Variants in SOX5 observed in about 807,000 individuals in gnomAD.
The protein encoded by SOX5 is transcription factor SOX-5.
SOX5 carries 9 observed loss-of-function variants against 92.0 expected under a neutral mutation model. The observed-to-expected ratio is 0.10, with a 90% confidence interval of 0.06 to 0.17. The LOEUF (loss-of-function observed/expected upper bound fraction) is 0.17. SOX5 is among the 10% of genes least tolerant of loss of function. The pLI, the probability that SOX5 is intolerant of heterozygous loss-of-function variation, is 1.00. For missense variants in SOX5, 642 were observed against 944.5 expected, an observed-to-expected ratio of 0.68 and a Z score of 4.20; for synonymous variants, 344 against 336.3, an observed-to-expected ratio of 1.02 and a Z score of -0.25.
rs564250877 is a variant in SOX5, at chr12:24,393,976, G to C, written c.-250-25337C>G. Among the ~76,000 whole-genome samples, 5 of 152,250 alleles carry C rather than the reference G, an allele frequency of 3.3e-5. No individual in the cohort carries two copies. The South Asian group carries it at 1.0e-3, about 32-fold the overall frequency. The stretch of plus-strand genomic sequence containing the variant: ...CGTGGGGAAAAATAAAACCGTGAGT[G>C]GCTGAAGAACACACAATAGCATTCA... On this transcript the variant is annotated intron_variant, in intron 1 of 4. Coordinates refer to the SOX5 transcript ENST00000446891. This position sits in a 1 kb window ranked among gnomAD's most constrained non-coding sequence, Gnocchi z 5.0.
At chr12:23,618,208 T>G (rs1276578925) in intron 8 of SOX5, among the ~76,000 whole-genome samples, 1 of 152,184 alleles carries the variant, frequency 6.6e-6, no homozygotes, top group African/African-American at 2.4e-5. Context: ...AAAATATTGC[T>G]GAAATTCCCT....
chr12:23,725,136 G>T (rs2140679820), intron 6 of SOX5, among the ~76,000 whole-genome samples: 1 of 152,242 alleles, frequency 6.6e-6, no homozygotes, highest in South Asian at 2.1e-4. Context: ...AGGAGAAACT[G>T]GGAAAGAATG....
chr12:23,863,086 C>A (rs905995354), intron 2 of SOX5, among the ~76,000 whole-genome samples: 2 of 152,188 alleles, frequency 1.3e-5, no homozygotes, highest in African/African-American at 4.8e-5. Flanking sequence ...AACACTTTCA[C>A]TTGGGGGTCA....
chr12:24,445,658 A>C (rs1379473546), intron 1 of SOX5, among the ~76,000 whole-genome samples: 5 of 152,226 alleles, frequency 3.3e-5, no homozygotes, highest in Admixed American at 6.5e-5. Context: ...GAAATGTGTA[A>C]CAGTCATATT....
intron 4 of SOX5, among the ~76,000 whole-genome samples, chr12:24,151,011 T>C (rs144964449): frequency 2.2e-4 from 33 of 151,382 alleles, no homozygotes; most frequent in African/African-American, 7.0e-4. Context: ...TGTATGAGAG[T>C]GAGGTGAAGA....
intron 1 of SOX5, among the ~76,000 whole-genome samples, chr12:24,370,832 T>C (rs1956667976): frequency 6.6e-6 from 1 of 152,174 alleles, no homozygotes; most frequent in Non-Finnish European, 1.5e-5. Context: ...TAACAAAATA[T>C]TAGTTAAGTC....
At chr12:24,485,827 A>T (rs2137880523) in intron 1 of SOX5, among the ~76,000 whole-genome samples, 1 of 152,312 alleles carries the variant, frequency 6.6e-6, no homozygotes, top group East Asian at 1.9e-4. Context: ...CACATTTTAC[A>T]CATATTCAGT....
intron 4 of SOX5, among the ~76,000 whole-genome samples, chr12:23,965,427 G>A (rs1211601288): frequency 6.6e-6 from 1 of 152,054 alleles, no homozygotes; most frequent in Non-Finnish European, 1.5e-5. Flanking sequence ...CAGTTAGATG[G>A]GGGGGACCTC....
chr12:24,286,369 A>T (rs1446689913), intron 2 of SOX5, among the ~76,000 whole-genome samples: 4 of 152,200 alleles, frequency 2.6e-5, no homozygotes, highest in Admixed American at 6.5e-5. Context: ...ATTGTGCTAA[A>T]TCGGGTACTA....
intron 2 of SOX5, among the ~76,000 whole-genome samples, chr12:24,342,194 CTCTG>C (rs1414330522): frequency 6.6e-6 from 1 of 152,186 alleles, no homozygotes; most frequent in Non-Finnish European, 1.5e-5. Flanking sequence ...AGCCCATAAA[CTCTG>C]TCTGACTCCA....
At chr12:24,464,497 C>T (rs1330119856) in intron 1 of SOX5, among the ~76,000 whole-genome samples, 5 of 152,004 alleles carry the variant, frequency 3.3e-5, no homozygotes, top group Admixed American at 1.3e-4. Context: ...CCCACCACCA[C>T]GCCCAGCTAA....
intron 10 of SOX5, among the ~76,000 whole-genome samples, chr12:23,564,394 A>C (rs919218623): frequency 2.0e-5 from 3 of 152,216 alleles, no homozygotes; most frequent in Non-Finnish European, 4.4e-5. Context: ...CTAGGGCATA[A>C]AATGGCATAA....
intron 1 of SOX5, among the ~76,000 whole-genome samples, chr12:24,459,801 A>C (rs781183084): frequency 4.6e-5 from 7 of 152,168 alleles, no homozygotes; most frequent in Non-Finnish European, 5.9e-5. Flanking sequence ...TGAACTATAA[A>C]AGAACTATTT....
rs545483206 is a variant in SOX5, at chr12:23,643,867, G to A, written c.932-2970C>T. Among the ~76,000 whole-genome samples the A allele has an allele frequency of 2.2e-4, 33 of 152,218 alleles. 1 individual carries two copies. The South Asian group carries it at 5.8e-3, about 27-fold the overall frequency. On this transcript the variant is annotated intron_variant, in intron 7 of 14. Coordinates refer to ENST00000451604, the MANE Select transcript of SOX5 (RefSeq NM_006940.6). ...TTGGAGGCAGGAAGTGTAGACCCTC[G>A]CTTTTCAATGCAAGATTCAGATGAG...
intron 6 of SOX5, among the ~76,000 whole-genome samples, chr12:23,698,981 A>T (rs2090258541): frequency 6.6e-6 from 1 of 152,160 alleles, no homozygotes. Context: ...AGAACTGAGG[A>T]TTATTGTTCC....
In SOX5 at chr12:24,466,692, C is replaced by T. The variant is rs143023968; in HGVS notation, c.-251+95637G>A. On this transcript the variant is annotated intron_variant, in intron 1 of 4. Coordinates refer to the SOX5 transcript ENST00000446891. The stretch of plus-strand genomic sequence containing the variant: ...AACAAATAGCAGGCAGTTAATTCAC[C>T]CCCAAGACAAGCTCCCATTCTAGCT... Among the ~76,000 whole-genome samples, 1,152 of 152,216 alleles carry T rather than the reference C, an allele frequency of 7.6e-3. 11 individuals are homozygous for T. The highest frequency in any genetic ancestry group is 0.012 in the Non-Finnish European group (820 of 68,016).
At chr12:24,131,952 T>C (rs1389959241) in intron 4 of SOX5, among the ~76,000 whole-genome samples, 1 of 152,178 alleles carries the variant, frequency 6.6e-6, no homozygotes, top group African/African-American at 2.4e-5. Flanking sequence ...CAGGGGCTAA[T>C]TCAGACTTAC....
intron 4 of SOX5, among the ~76,000 whole-genome samples, chr12:24,096,817 G>A (rs189569437): frequency 1.3e-5 from 2 of 152,150 alleles, no homozygotes; most frequent in Admixed American, 6.5e-5. Flanking sequence ...TTTTGGTTAT[G>A]ATTAGTGCTG....
intron 1 of SOX5, among the ~76,000 whole-genome samples, chr12:24,445,401 G>GTGACAGAC (rs1476564245): frequency 1.3e-5 from 2 of 152,166 alleles, no homozygotes; most frequent in Non-Finnish European, 2.9e-5. Context: ...AAATTTCATT[G>GTGACAGAC]TGACAGACTA....
Sources: gnomAD v4.1 joint callset for allele counts (sites outside exome capture counted in the v4.1 genomes callset) on GRCh38, gnomAD v4.1.1 for gene constraint, Gnocchi (gnomAD v3.1) non-coding constraint, MANE v1.5 for transcripts, NCBI Gene and HGNC (gene_info 2026-07-23, HGNC 2026-07-21) for gene names.